Variants in CDS2 observed in about 807,000 individuals in gnomAD.
CDS2 encodes CDP-diacylglycerol synthase 2, also known as phosphatidate cytidylyltransferase 2.
Under a neutral mutation model 59.0 loss-of-function variants are expected in CDS2, and 47 were observed. The observed-to-expected ratio is 0.80, with a 90% CI of 0.63 to 1.02. The LOEUF is 1.02. CDS2 is among the 50% of genes least tolerant of loss of function. The pLI is 0.00. For synonymous variants in CDS2, 207 were observed against 206.4 expected (o/e 1.00, Z -0.02); for missense variants, 356 against 558.9 (o/e 0.64, Z 3.66).
In CDS2 at chr20:5,176,643, C is replaced by T. The variant is rs147428864; in HGVS notation, c.292-5C>T. The T allele has an allele frequency of 2.5e-4, 399 of 1,610,022 alleles. 4 individuals are homozygous for T. In the Middle Eastern group the frequency reaches 2.8e-3, roughly 11 times the overall value. ...GGGTGTCAGTGAATGTTTTGTGTCC[C>T]GCAGGTGATGTGCGTTCAGATTAAG... is the stretch of plus-strand genomic sequence containing the variant. On this transcript the variant is annotated splice_region_variant and splice_polypyrimidine_tract_variant and intron_variant, in intron 3 of 12. Transcript: ENST00000460006.
At chr20:5,173,350 T>A (rs111910094) in intron 1 of CDS2, among the ~76,000 whole-genome samples, 173 bp from the exon 2 acceptor site, 1 of 152,360 alleles carries the variant, frequency 6.6e-6, no homozygotes, top group South Asian at 2.1e-4. Flanking sequence ...TTGGCACATG[T>A]CACAACAGTG....
At chr20:5,181,737 A>G (rs1239262526) in intron 5 of CDS2, among the ~76,000 whole-genome samples, 1 of 152,206 alleles carries the variant, frequency 6.6e-6, no homozygotes, top group Non-Finnish European at 1.5e-5. Flanking sequence ...CCTAGGCTAT[A>G]ATGTGTAGTC....
In CDS2 at chr20:5,194,560, C is replaced by T. The variant is rs542288286; in HGVS notation, c.*4326C>T. 2.0e-5 allele frequency: 3 copies of T among 152,380 alleles called. No individual in the cohort carries two copies. Among genetic ancestry groups the T allele is most frequent in the East Asian group, 1.9e-4 (1 of 5,176 alleles). 9.4% of individuals were successfully genotyped at this position (152,380 alleles called of 1,614,324 possible). A position where few individuals can be genotyped will look rare whatever the true frequency, so the allele number is the denominator to read the frequency against. ...GGGGCTGTCTCTTGATTAAGGCTGT[C>T]ACCTGTTTGTATAGGGACCATGTTT... On this transcript the variant is annotated 3_prime_UTR_variant, in exon 13 of 13. Coordinates refer to ENST00000460006, the MANE Select transcript of CDS2 (RefSeq NM_003818.4).
In CDS2 at chr20:5,193,637, G is replaced by C. The variant is rs1048432101; in HGVS notation, c.*3403G>C. On this transcript the variant is annotated 3_prime_UTR_variant, in exon 13 of 13. Transcript: ENST00000460006. ...CAGCCCTTGTCACCTGTTTGTATGG[G>C]GACCATGTTTCCCAAAGCTCAGGTT... 2.6e-5 allele frequency: 4 copies of C among 152,186 alleles called. No individual in the cohort carries two copies. The highest frequency in any genetic ancestry group is 9.7e-5 in the African/African-American group (4 of 41,440). 9.4% of individuals were successfully genotyped at this position (152,186 alleles called of 1,614,324 possible). A position where few individuals can be genotyped will look rare whatever the true frequency, so the allele number is the denominator to read the frequency against.
At chr20:5,189,416 T>C (rs946130114) in intron 11 of CDS2, among the ~76,000 whole-genome samples, 5 of 152,190 alleles carry the variant, frequency 3.3e-5, no homozygotes, top group Admixed American at 6.5e-5. Context: ...AAAGAACATT[T>C]TGGGCCAGGC....
chr20:5,144,673 GT>G (rs1215100611), intron 1 of CDS2, among the ~76,000 whole-genome samples: 1 of 152,140 alleles, frequency 6.6e-6, no homozygotes, highest in African/African-American at 2.4e-5. Context: ...TGTTAAAAAT[GT>G]TGAGTAAATT....
In CDS2 at chr20:5,142,018, A is replaced by G. The variant is rs568612752; in HGVS notation, c.57+14869A>G. ...GAGATAGATATGAAAGGTAAAACAT[A>G]TAGATTAAAAGACTTTAGGTGCTGG... On this transcript the variant is annotated intron_variant, in intron 1 of 12. Coordinates refer to ENST00000460006, the MANE Select transcript of CDS2 (RefSeq NM_003818.4). 1.4e-3 allele frequency among the ~76,000 whole-genome samples: 216 copies of G among 152,354 alleles called. 1 individual carries two copies. The highest frequency in any genetic ancestry group is 5.1e-3 in the African/African-American group (211 of 41,590).
intron 9 of CDS2, 114 bp from the exon 10 acceptor site, chr20:5,186,573 C>T (rs993760116): frequency 1.8e-5 from 17 of 921,550 alleles, no homozygotes; most frequent in Admixed American, 4.1e-5. Context: ...GCACATAGCT[C>T]GCAGTTAGCA....
At chr20:5,159,634 T>C (rs1322408161) in intron 1 of CDS2, among the ~76,000 whole-genome samples, 1 of 152,202 alleles carries the variant, frequency 6.6e-6, no homozygotes, top group Non-Finnish European at 1.5e-5. Context: ...GTGCAGATGG[T>C]AACTGCTTTG....
intron 10 of CDS2, among the ~76,000 whole-genome samples, chr20:5,188,370 C>T (rs766212862): frequency 2.0e-5 from 3 of 152,102 alleles, no homozygotes; most frequent in East Asian, 1.9e-4. Context: ...TACCCAAAAC[C>T]ATCTGAGGCT....
At chr20:5,133,605 G>A (rs6107580) in intron 1 of CDS2, among the ~76,000 whole-genome samples, 27,181 of 152,134 alleles carry the variant, frequency 0.18, 3,815 homozygotes, top group African/African-American at 0.39. Context: ...TCAGCTGACC[G>A]CAACCTCTGC....
intron 1 of CDS2, among the ~76,000 whole-genome samples, chr20:5,158,404 T>C (rs1680022014): frequency 6.6e-6 from 1 of 152,188 alleles, no homozygotes; most frequent in Admixed American, 6.5e-5. Flanking sequence ...GCACGTGACC[T>C]CAAGTGATCT....
At chr20:5,183,960 G>A (rs371283211) in intron 7 of CDS2, among the ~76,000 whole-genome samples, 144 of 152,206 alleles carry the variant, frequency 9.5e-4, no homozygotes, top group South Asian at 3.3e-3. Flanking sequence ...GTTGAAGACC[G>A]GCCTGGGCAA....
intron 1 of CDS2, among the ~76,000 whole-genome samples, chr20:5,141,904 AC>A (rs146703342): frequency 0.012 from 1,867 of 152,306 alleles, 48 homozygotes; most frequent in African/African-American, 0.041. Flanking sequence ...CAGTGTGAGA[AC>A]AGAGGGAAAA....
chr20:5,158,232 C>T (rs1312047282), intron 1 of CDS2, among the ~76,000 whole-genome samples: 3 of 149,082 alleles, frequency 2.0e-5, no homozygotes, highest in Admixed American at 6.8e-5. Flanking sequence ...TGCAATGGCA[C>T]AGTCTCGGCT....
At position 5,138,875 on chromosome 20, in the gene CDS2, T is replaced by C. The variant is rs374427168; in HGVS notation, c.57+11726T>C. ...AAAATGACCGTACTACCTAAAACAA[T>C]GTGCAGATTCACAGATATTTTTTAA... is the stretch of plus-strand genomic sequence containing the variant. On this transcript the variant is annotated intron_variant, in intron 1 of 12. Transcript: ENST00000460006. 6.6e-5 allele frequency among the ~76,000 whole-genome samples: 10 copies of C among 151,936 alleles called. No individual in the cohort carries two copies. In the East Asian group the frequency reaches 9.7e-4, roughly 15 times the overall value.
At chr20:5,164,347 A>G (rs1021683319) in intron 1 of CDS2, among the ~76,000 whole-genome samples, 3 of 152,112 alleles carry the variant, frequency 2.0e-5, no homozygotes, top group African/African-American at 7.2e-5. Flanking sequence ...CACTGGGGAC[A>G]TTTGCTCTCA....
At chr20:5,155,863 G>A (rs1272648884) in intron 1 of CDS2, among the ~76,000 whole-genome samples, 1 of 152,144 alleles carries the variant, frequency 6.6e-6, no homozygotes, top group East Asian at 1.9e-4. Flanking sequence ...GAACAGGGAG[G>A]AGAAAAGACT....
intron 1 of CDS2, among the ~76,000 whole-genome samples, chr20:5,146,072 C>G (rs372977287): frequency 6.6e-6 from 1 of 152,150 alleles, no homozygotes; most frequent in Non-Finnish European, 1.5e-5. Flanking sequence ...ATCCTCCCAC[C>G]TTGGCCTCTC....
Sources: gnomAD v4.1 joint callset for allele counts (sites outside exome capture counted in the v4.1 genomes callset) on GRCh38, gnomAD v4.1.1 for gene constraint, MANE v1.5 for transcripts, NCBI Gene and HGNC (gene_info 2026-07-23, HGNC 2026-07-21) for gene names.